PPARGC1A: variants seen among roughly 807,000 people sequenced by gnomAD.
The protein encoded by PPARGC1A is PPARG coactivator 1 alpha, also known as peroxisome proliferator-activated receptor gamma coactivator 1-alpha.
A neutral mutation model predicts 88.7 loss-of-function variants in PPARGC1A; 25 were observed. The observed-to-expected ratio is 0.28, with a 90% CI of 0.21 to 0.39. PPARGC1A has a LOEUF of 0.39. Ranked by LOEUF, PPARGC1A falls within the 10% of genes least tolerant of loss-of-function variation. PPARGC1A has a pLI of 1.00. For missense variants in PPARGC1A, 880 were observed against 968.7 expected, an observed-to-expected ratio of 0.91 and a Z score of 1.22; for synonymous variants, 363 against 355.6, an observed-to-expected ratio of 1.02 and a Z score of -0.24.
chr4:24,065,372 A>G, the PPARGC1A span, among the ~76,000 whole-genome samples: 17 of 152,268 alleles, frequency 1.1e-4, no homozygotes, highest in African/African-American at 4.1e-4. Context: ...GAGCCCTGAC[A>G]TAATGATCGT....
At chr4:23,993,270 C>T in the PPARGC1A span, among the ~76,000 whole-genome samples, 1 of 152,112 alleles carries the variant, frequency 6.6e-6, no homozygotes, top group Non-Finnish European at 1.5e-5. Flanking sequence ...ATTATCTCTT[C>T]CTTTGACACT....
the PPARGC1A span, among the ~76,000 whole-genome samples, chr4:24,137,113 C>CAAA: frequency 2.4e-5 from 2 of 82,110 alleles, no homozygotes; most frequent in African/African-American, 8.0e-5. Context: ...GACTCTGTCT[C>CAAA]AAAAAAAAAA....
chr4:24,431,549 A>G, the PPARGC1A span, among the ~76,000 whole-genome samples: 1 of 152,236 alleles, frequency 6.6e-6, no homozygotes, highest in Non-Finnish European at 1.5e-5. Context: ...AGCAGGGAGA[A>G]TAGACCAGTC....
At chr4:24,191,250 A>C in the PPARGC1A span, among the ~76,000 whole-genome samples, 1 of 152,260 alleles carries the variant, frequency 6.6e-6, no homozygotes, top group Admixed American at 6.5e-5. Flanking sequence ...GGAAAGAGAA[A>C]TAGCATCCAG....
chr4:24,310,702 T>C, the PPARGC1A span, among the ~76,000 whole-genome samples: 4 of 152,064 alleles, frequency 2.6e-5, no homozygotes, highest in African/African-American at 9.7e-5. Context: ...GTTAATTGCC[T>C]ACTAAAACAA....
the PPARGC1A span, among the ~76,000 whole-genome samples, chr4:24,423,247 G>A: frequency 1.3e-5 from 2 of 152,158 alleles, no homozygotes; most frequent in African/African-American, 4.8e-5. Flanking sequence ...CCATAATCAT[G>A]TATGTGGTGA....
At chr4:23,898,682 G>A (rs1000171343) in intron 1 of PPARGC1A, among the ~76,000 whole-genome samples, 69 of 152,240 alleles carry the variant, frequency 4.5e-4, no homozygotes, top group African/African-American at 1.6e-3. Context: ...GCAAAAAGAG[G>A]TTGATGAGAG....
chr4:24,173,722 G>A, the PPARGC1A span, among the ~76,000 whole-genome samples: 1 of 152,194 alleles, frequency 6.6e-6, no homozygotes, highest in Non-Finnish European at 1.5e-5. Context: ...CAGCAGCTCA[G>A]TAATCTTGAG....
At chr4:23,991,222 G>C in the PPARGC1A span, among the ~76,000 whole-genome samples, 2 of 152,062 alleles carry the variant, frequency 1.3e-5, no homozygotes, top group Non-Finnish European at 2.9e-5. Flanking sequence ...AAGGCAGATA[G>C]CTTTGTGGTT....
At chr4:24,454,096 A>C in the PPARGC1A span, among the ~76,000 whole-genome samples, 2 of 151,764 alleles carry the variant, frequency 1.3e-5, no homozygotes, top group African/African-American at 2.4e-5. Context: ...TGGATGATGG[A>C]AACGTGGATA....
At chr4:24,059,774 T>C in the PPARGC1A span, among the ~76,000 whole-genome samples, 2 of 152,204 alleles carry the variant, frequency 1.3e-5, no homozygotes, top group Non-Finnish European at 2.9e-5. Context: ...ACCTCCCCTA[T>C]GGAGTCCCAG....
the PPARGC1A span, among the ~76,000 whole-genome samples, chr4:24,070,535 A>C: frequency 6.6e-6 from 1 of 152,160 alleles, no homozygotes; most frequent in Non-Finnish European, 1.5e-5. Flanking sequence ...ACGAAAAACA[A>C]AGCAAAAACA....
the PPARGC1A span, among the ~76,000 whole-genome samples, chr4:24,262,177 G>A: frequency 1.3e-5 from 2 of 151,930 alleles, no homozygotes; most frequent in East Asian, 3.9e-4. Context: ...AGGATAAAGT[G>A]CTTCTGGGCC....
the PPARGC1A span, among the ~76,000 whole-genome samples, chr4:24,001,767 A>G: frequency 6.6e-6 from 1 of 151,750 alleles, no homozygotes; most frequent in Admixed American, 6.6e-5. Flanking sequence ...TCCTGTCTTC[A>G]GAGAGAGCTA....
chr4:24,187,093 C>CCCCT, the PPARGC1A span, among the ~76,000 whole-genome samples: 3 of 152,180 alleles, frequency 2.0e-5, no homozygotes, highest in Non-Finnish European at 2.9e-5. Flanking sequence ...GAGTACTAGT[C>CCCCT]CCCTTTGCCT....
At chr4:23,836,032 A>C (rs1431214824) in intron 2 of PPARGC1A, among the ~76,000 whole-genome samples, 1 of 152,254 alleles carries the variant, frequency 6.6e-6, no homozygotes, top group Non-Finnish European at 1.5e-5. Context: ...GAAACACATT[A>C]GTCACTGCAC....
the PPARGC1A span, among the ~76,000 whole-genome samples, chr4:24,055,994 G>C: frequency 4.7e-4 from 71 of 152,302 alleles, no homozygotes; most frequent in Non-Finnish European, 7.2e-4. Context: ...TGTTTGGTTT[G>C]TTCTTACTCT....
intron 2 of PPARGC1A, among the ~76,000 whole-genome samples, chr4:23,869,565 A>G (rs1490280764): frequency 6.6e-6 from 1 of 151,254 alleles, no homozygotes; most frequent in Non-Finnish European, 1.5e-5. Context: ...CCTGTACATT[A>G]TCTGAAATTC....
At chr4:24,221,524 T>G in the PPARGC1A span, among the ~76,000 whole-genome samples, 1 of 152,152 alleles carries the variant, frequency 6.6e-6, no homozygotes, top group East Asian at 1.9e-4. Context: ...AAACTAAAAT[T>G]TCATATAAAT....
Sources: allele counts gnomAD v4.1 joint callset (sites outside exome capture counted in the v4.1 genomes callset), GRCh38; gene constraint gnomAD v4.1.1; transcripts MANE v1.5; gene names NCBI Gene and HGNC (gene_info 2026-07-23, HGNC 2026-07-21).